SNX24: variants seen among roughly 807,000 people sequenced by gnomAD.
SNX24 encodes the protein sorting nexin 24.
In SNX24, 22 loss-of-function variants were observed where a neutral mutation model predicts 28.7. The ratio of observed to expected loss-of-function variants is 0.77; its 90% confidence interval spans 0.55 to 1.10. The LOEUF is 1.10. SNX24 is among the 50% of genes least tolerant of loss of function. The pLI is 0.00. For synonymous variants in SNX24, 69 were observed against 71.5 expected (o/e 0.96, Z 0.18); for missense variants, 221 against 201.1 (o/e 1.10, Z -0.60).
intron 3 of SNX24, among the ~76,000 whole-genome samples, chr5:122,976,310 A>C (rs989796089): frequency 1.4e-5 from 2 of 140,062 alleles, no homozygotes; most frequent in African/African-American, 2.6e-5. Context: ...AAAAAAAAAA[A>C]CAGGCAAAAA....
chr5:122,955,925 A>T (rs1275289551), intron 3 of SNX24, among the ~76,000 whole-genome samples: 1 of 152,086 alleles, frequency 6.6e-6, no homozygotes, highest in Non-Finnish European at 1.5e-5. Flanking sequence ...TGCTGCCATG[A>T]GTAGAGGTGA....
chr5:122,989,524 G>A (rs151254636), intron 3 of SNX24, among the ~76,000 whole-genome samples: 1 of 151,834 alleles, frequency 6.6e-6, no homozygotes, highest in Non-Finnish European at 1.5e-5. Flanking sequence ...GGGACCGGGT[G>A]GGGGGGCGGG....
intron 1 of SNX24, among the ~76,000 whole-genome samples, chr5:122,851,692 CATT>C (rs1754926113): frequency 1.3e-5 from 2 of 152,028 alleles, no homozygotes; most frequent in Non-Finnish European, 1.5e-5. Flanking sequence ...TTATTATGAT[CATT>C]ATTATTTTGA....
intron 1 of SNX24, among the ~76,000 whole-genome samples, chr5:122,915,175 T>C (rs562805823): frequency 3.0e-4 from 46 of 152,274 alleles, no homozygotes; most frequent in African/African-American, 1.1e-3. Context: ...CTCTACCACC[T>C]AATCATCTTT....
intron 1 of SNX24, among the ~76,000 whole-genome samples, chr5:122,907,956 A>G (rs544537105): frequency 1.3e-5 from 2 of 151,912 alleles, no homozygotes; most frequent in South Asian, 4.2e-4. Flanking sequence ...TTGAGACTTC[A>G]GTGTCTTCTG....
At chr5:122,846,575 AT>A (rs1318274260) in intron 1 of SNX24, among the ~76,000 whole-genome samples, 1 of 152,332 alleles carries the variant, frequency 6.6e-6, no homozygotes, top group East Asian at 1.9e-4. Context: ...CACCAGTTAC[AT>A]TACTTTGATG....
chr5:122,888,523 T>G (rs1756814744), intron 1 of SNX24, among the ~76,000 whole-genome samples: 1 of 152,222 alleles, frequency 6.6e-6, no homozygotes, highest in African/African-American at 2.4e-5. Context: ...CAGAAGAGTA[T>G]CTGGATCATA....
chr5:122,968,191 A>G (rs1760796835), intron 3 of SNX24, among the ~76,000 whole-genome samples: 1 of 152,134 alleles, frequency 6.6e-6, no homozygotes, highest in Non-Finnish European at 1.5e-5. Flanking sequence ...CTAAAAATAC[A>G]AAAGTTAGCC....
At chr5:122,880,174 A>G (rs1000522855) in intron 1 of SNX24, among the ~76,000 whole-genome samples, 2 of 152,184 alleles carry the variant, frequency 1.3e-5, no homozygotes, top group African/African-American at 4.8e-5. Context: ...TATCCTTAGG[A>G]GCTGCCTTAG....
chr5:122,866,227 G>T (rs1200575220), intron 1 of SNX24, among the ~76,000 whole-genome samples: 1 of 152,146 alleles, frequency 6.6e-6, no homozygotes. Flanking sequence ...TCAGCTCACT[G>T]CAACCACCAC....
At chr5:122,956,918 A>C (rs188511699) in intron 3 of SNX24, among the ~76,000 whole-genome samples, 3 of 151,764 alleles carry the variant, frequency 2.0e-5, no homozygotes. Context: ...AGTTCTCTAT[A>C]TATTCTGGAT....
chr5:122,900,084 G>A (rs1295731428), intron 1 of SNX24, among the ~76,000 whole-genome samples: 3 of 151,658 alleles, frequency 2.0e-5, no homozygotes, highest in Non-Finnish European at 2.9e-5. Context: ...CAGTGGCGTG[G>A]TCAGGGATCA....
chr5:122,871,755 A>G (rs1477610305), intron 1 of SNX24, among the ~76,000 whole-genome samples: 1 of 152,130 alleles, frequency 6.6e-6, no homozygotes, highest in African/African-American at 2.4e-5. Flanking sequence ...GGGTGACAAA[A>G]GTGAAACTCT....
In SNX24 at chr5:123,008,109, A is replaced by G; in HGVS notation, c.*360A>G. 5.8e-6 allele frequency: 6 copies of G among 1,038,522 alleles called. No individual in the cohort carries two copies. Among genetic ancestry groups the G allele is most frequent in the Non-Finnish European group, 6.9e-6 (6 of 864,340 alleles). The allele number at this position is 1,038,522 out of a possible 1,614,324, so 64.3% of individuals were successfully genotyped here. On this transcript the variant is annotated 3_prime_UTR_variant, in exon 7 of 7. Coordinates refer to ENST00000261369, the MANE Select transcript of SNX24 (RefSeq NM_014035.4). ...TTGCTAATTGAAAATCATATCCTGA[A>G]TCATACTGAGACTGATCAACTTTGG... is the stretch of plus-strand genomic sequence containing the variant.
At chr5:122,954,087 A>G (rs1411878317) in intron 3 of SNX24, among the ~76,000 whole-genome samples, 2 of 152,108 alleles carry the variant, frequency 1.3e-5, no homozygotes, top group Non-Finnish European at 2.9e-5. Context: ...GTCAAAGAGT[A>G]TTGTATCTTT....
At chr5:122,987,771 A>C (rs1761666118) in intron 3 of SNX24, among the ~76,000 whole-genome samples, 1 of 152,168 alleles carries the variant, frequency 6.6e-6, no homozygotes, top group Non-Finnish European at 1.5e-5. Flanking sequence ...GGGCAACACC[A>C]TTGCACAGAA....
At chr5:122,855,655 G>A (rs2150035906) in intron 1 of SNX24, among the ~76,000 whole-genome samples, 1 of 152,278 alleles carries the variant, frequency 6.6e-6, no homozygotes, top group East Asian at 1.9e-4. Context: ...AAATGCTGCT[G>A]CTGCTTTATC....
intron 2 of SNX24, among the ~76,000 whole-genome samples, chr5:122,940,757 G>T (rs1442847217): frequency 6.6e-6 from 1 of 152,066 alleles, no homozygotes; most frequent in Non-Finnish European, 1.5e-5. Context: ...ATTTTTAGTA[G>T]AAACAGGGTT....
chr5:122,885,269 G>A (rs2150064881), intron 1 of SNX24, among the ~76,000 whole-genome samples: 1 of 152,192 alleles, frequency 6.6e-6, no homozygotes, highest in East Asian at 1.9e-4. Context: ...TCCTCCCCAA[G>A]CTCATTCTCT....
Sources: gnomAD v4.1 joint callset for allele counts (sites outside exome capture counted in the v4.1 genomes callset) on GRCh38, gnomAD v4.1.1 for gene constraint, MANE v1.5 for transcripts, NCBI Gene and HGNC (gene_info 2026-07-23, HGNC 2026-07-21) for gene names.